The following NEBL variants were observed in gnomAD, a reference collection of about 807,000 sequenced individuals.
NEBL encodes LIM and SH3 protein 2.
A neutral mutation model predicts 140.2 loss-of-function variants in NEBL; 122 were observed. The observed-to-expected ratio is 0.87, with a 90% CI of 0.75 to 1.01. NEBL has a LOEUF of 1.01. Among genes scored for constraint, NEBL ranks in the 50% least tolerant of loss-of-function variants. The pLI is 0.00. For missense variants in NEBL, 1,365 were observed against 1,231.3 expected (o/e 1.11, Z -1.62); for synonymous variants, 436 against 398.9 (o/e 1.09, Z -1.11).
chr10:21,102,682 T>C (rs9888042), intron 2 of NEBL, among the ~76,000 whole-genome samples: 4,689 of 152,298 alleles, frequency 0.031, 220 homozygotes, highest in African/African-American at 0.1. Flanking sequence ...TACTATTGCA[T>C]TGTATGAGTA....
chr10:20,879,484 T>C lies in NEBL; in HGVS notation c.480+1310A>G, dbSNP rs1384881063. On this transcript the variant is annotated intron_variant, in intron 5 of 27. Coordinates refer to ENST00000377122, the MANE Select transcript of NEBL (RefSeq NM_006393.3). ...AGAAAAGTGCTCTGCTTTTGGCATA[T>C]GTTTGTATATTTGGGTTAAAACGTA... Among the ~76,000 whole-genome samples, 8 of 152,250 alleles carry C rather than the reference T, an allele frequency of 5.3e-5. No homozygotes were observed. In the East Asian group the frequency reaches 1.5e-3, roughly 29 times the overall value.
chr10:20,810,368 CAAAA>C (rs111700349), intron 24 of NEBL, among the ~76,000 whole-genome samples: 1 of 149,984 alleles, frequency 6.7e-6, no homozygotes, highest in Non-Finnish European at 1.5e-5. Context: ...ACAAAACAAA[CAAAA>C]AAAAAGTCCC....
intron 3 of NEBL, among the ~76,000 whole-genome samples, chr10:21,006,538 C>T (rs1200392759): frequency 6.6e-6 from 1 of 152,198 alleles, no homozygotes; most frequent in Non-Finnish European, 1.5e-5. Flanking sequence ...CTTCCCTTGG[C>T]CAGCCCAGCC....
At chr10:21,014,671 T>C (rs560845765) in intron 3 of NEBL, among the ~76,000 whole-genome samples, 3 of 152,214 alleles carry the variant, frequency 2.0e-5, no homozygotes, top group Admixed American at 6.5e-5. Context: ...AGATGACAGA[T>C]AACTGAGAGA....
chr10:21,105,374 T>C (rs1210367420), intron 2 of NEBL, among the ~76,000 whole-genome samples: 4 of 152,044 alleles, frequency 2.6e-5, no homozygotes, highest in African/African-American at 9.6e-5. Context: ...GTGTGATGTT[T>C]CCCACCCTGG....
chr10:20,845,172 G>A (rs1301827668), intron 12 of NEBL, 86 bp downstream of exon 12: 4 of 830,254 alleles, frequency 4.8e-6, no homozygotes, highest in Middle Eastern at 3.2e-4. Context: ...CTGAAACACT[G>A]AATTAGTAGA....
rs954045006 is a variant in NEBL at position 21,173,801 on chromosome 10, G to A, written c.33C>T (p.Val11=). The change falls in exon 1 of 7, where the codon GTC becomes GTT. Residue 11 remains valine (V), a synonymous_variant. Transcript: ENST00000417816. The surrounding 1 kb of genome is among the most constrained non-coding windows in gnomAD (Gnocchi z 5.7). ...AGTTGACTTTCTCGGTGGGATACAC[G>A]ACTTTTCCGCAACGGGCGCACTGGG... 1 of 1,612,334 alleles carries A rather than the reference G, an allele frequency of 6.2e-7. No individual in the cohort carries two copies. Among genetic ancestry groups the A allele is most frequent in the African/African-American group, 1.3e-5 (1 of 74,700 alleles).
chr10:21,195,045 C>T (rs376305926), intron 3 of NEBL, among the ~76,000 whole-genome samples: 3 of 151,254 alleles, frequency 2.0e-5, no homozygotes, highest in Admixed American at 1.3e-4. Context: ...GAGAAGTGCA[C>T]GGGAGTCATT....
chr10:21,185,932 G>A (rs955934302), intron 3 of NEBL, among the ~76,000 whole-genome samples: 3 of 152,114 alleles, frequency 2.0e-5, no homozygotes, highest in Admixed American at 2.0e-4. Flanking sequence ...ACTGAGAACA[G>A]GGATTTCAGT....
chr10:20,966,871 G>A (rs538704908), intron 3 of NEBL, among the ~76,000 whole-genome samples: 3 of 152,304 alleles, frequency 2.0e-5, no homozygotes, highest in South Asian at 2.1e-4. Context: ...GAAAGCCATC[G>A]CGGATGAAGG....
At chr10:21,081,990 A>G (rs529502449) in intron 2 of NEBL, among the ~76,000 whole-genome samples, 1 of 152,374 alleles carries the variant, frequency 6.6e-6, no homozygotes, top group Non-Finnish European at 1.5e-5. Context: ...AATTACCTTC[A>G]TCAAATGATG....
intron 3 of NEBL, among the ~76,000 whole-genome samples, chr10:20,995,387 G>A (rs1837628368): frequency 6.6e-6 from 1 of 152,164 alleles, no homozygotes. Context: ...CACCTTTTCG[G>A]TGCAGGACAA....
At chr10:20,958,668 T>C (rs1321589315) in intron 4 of NEBL, among the ~76,000 whole-genome samples, 13 of 152,238 alleles carry the variant, frequency 8.5e-5, no homozygotes, top group Admixed American at 8.5e-4. Context: ...CCAAGTTCTT[T>C]TTCTTCCCAG....
chr10:21,058,223 C>T (rs1564495941), intron 2 of NEBL, among the ~76,000 whole-genome samples: 1 of 152,188 alleles, frequency 6.6e-6, no homozygotes, highest in African/African-American at 2.4e-5. Flanking sequence ...ACATGCTAGA[C>T]TTGTGTCCTT....
chr10:21,032,613 G>A (rs1041677263), intron 2 of NEBL, among the ~76,000 whole-genome samples: 1 of 152,098 alleles, frequency 6.6e-6, no homozygotes, highest in African/African-American at 2.4e-5. Context: ...GCACGTAAAT[G>A]GGGAATGCCC....
At chr10:21,193,379 C>A (rs560817658) in intron 3 of NEBL, among the ~76,000 whole-genome samples, 8 of 152,246 alleles carry the variant, frequency 5.3e-5, no homozygotes, top group Admixed American at 1.3e-4. Context: ...TGGTCGGAAA[C>A]CAGCAGGGGT....
At chr10:21,206,495 C>G (rs904502457) in intron 3 of NEBL, among the ~76,000 whole-genome samples, 1 of 152,096 alleles carries the variant, frequency 6.6e-6, no homozygotes, top group African/African-American at 2.4e-5. Context: ...GAGATCTAAC[C>G]AGGGGGGTAG....
intron 2 of NEBL, among the ~76,000 whole-genome samples, chr10:21,061,247 C>T (rs1835265764): frequency 6.8e-6 from 1 of 146,166 alleles, no homozygotes; most frequent in South Asian, 2.1e-4. Flanking sequence ...TGATATATTA[C>T]ATATTATGTG....
chr10:20,970,226 C>T (rs1836507857), intron 3 of NEBL, among the ~76,000 whole-genome samples: 1 of 152,156 alleles, frequency 6.6e-6, no homozygotes, highest in South Asian at 2.1e-4. Context: ...GTGCTCAGCA[C>T]TCCTTACTGT....
Sources: gnomAD v4.1 joint callset for allele counts (sites outside exome capture counted in the v4.1 genomes callset) on GRCh38, gnomAD v4.1.1 for gene constraint, Gnocchi (gnomAD v3.1) non-coding constraint, MANE v1.5 for transcripts, NCBI Gene and HGNC (gene_info 2026-07-23, HGNC 2026-07-21) for gene names.